Variants in THADA observed in about 807,000 individuals in gnomAD.
The protein encoded by THADA is THADA armadillo repeat containing.
In THADA, 213 loss-of-function variants were observed where a neutral mutation model predicts 219.8. The ratio of observed to expected loss-of-function variants is 0.97; its 90% CI spans 0.87 to 1.09. The LOEUF (loss-of-function observed/expected upper bound fraction) is 1.09. Ranked by LOEUF, THADA falls within the 50% of genes least tolerant of loss-of-function variation. THADA has a pLI of 0.00. For synonymous variants in THADA, 1,018 were observed against 828.9 expected, an observed-to-expected ratio of 1.23 and a Z score of -3.92; for missense variants, 2,956 against 2,311.3, an observed-to-expected ratio of 1.28 and a Z score of -5.72.
Position 43,435,420 on chromosome 2 carries a change from T to C in THADA, c.3837-5118A>G, listed in dbSNP as rs116362024. ...GTTGAAGTGAGCCAAGACTGCACCA[T>C]TGCATTCCAACCTGGGCAACAAGAG... On this transcript the variant is annotated intron_variant, in intron 26 of 37. Transcript: ENST00000405975. 7.5e-3 allele frequency among the ~76,000 whole-genome samples: 1,124 copies of C among 150,082 alleles called. 11 individuals are homozygous for C. Among genetic ancestry groups the C allele is most frequent in the African/African-American group, 0.025 (1,018 of 40,694 alleles).
chr2:43,410,647 G>C (rs1189273538), intron 28 of THADA, among the ~76,000 whole-genome samples: 1 of 151,550 alleles, frequency 6.6e-6, no homozygotes, highest in Non-Finnish European at 1.5e-5. Context: ...AATGCATCCT[G>C]TATGAGTCCG....
At chr2:43,364,410 A>C (rs2104599303) in intron 29 of THADA, among the ~76,000 whole-genome samples, 1 of 152,200 alleles carries the variant, frequency 6.6e-6, no homozygotes, top group Non-Finnish European at 1.5e-5. Context: ...TTGTCAGGTA[A>C]TTCTTTGCTG....
At chr2:43,248,204 G>C (rs1358312061) in intron 36 of THADA, among the ~76,000 whole-genome samples, 41 of 133,656 alleles carry the variant, frequency 3.1e-4, no homozygotes, top group Non-Finnish European at 4.2e-4. Flanking sequence ...GAGAGAGAGA[G>C]AGAGAGAGAG....
intron 35 of THADA, among the ~76,000 whole-genome samples, chr2:43,282,008 G>A (rs935363048): frequency 6.6e-6 from 1 of 152,110 alleles, no homozygotes; most frequent in African/African-American, 2.4e-5. Context: ...GGGGTCAAGT[G>A]ATCTTCCTGC....
At chr2:43,361,651 G>A (rs1287268829) in intron 29 of THADA, among the ~76,000 whole-genome samples, 1 of 152,168 alleles carries the variant, frequency 6.6e-6, no homozygotes, top group East Asian at 1.9e-4. Flanking sequence ...ATTTTTCTTA[G>A]TGGTCTGTGG....
intron 22 of THADA, among the ~76,000 whole-genome samples, chr2:43,514,366 G>C (rs571581000): frequency 1.3e-5 from 2 of 149,524 alleles, no homozygotes; most frequent in Non-Finnish European, 3.0e-5. Context: ...TGGGAGGATC[G>C]CTTGAGCCCA....
At chr2:43,375,462 G>A (rs930014818) in intron 29 of THADA, among the ~76,000 whole-genome samples, 8 of 152,156 alleles carry the variant, frequency 5.3e-5, no homozygotes, top group African/African-American at 1.9e-4. Context: ...ATTTTAAAAT[G>A]ATAAGTATAC....
chr2:43,381,388 C>T lies in THADA; in HGVS notation c.4227+16583G>A, dbSNP rs533394416. Among the ~76,000 whole-genome samples the T allele has an allele frequency of 4.6e-5, 7 of 152,074 alleles. No homozygotes were observed. In the South Asian group the frequency reaches 1.2e-3, roughly 27 times the overall value. ...TTCAAAATAAGTAATGTCAATACTC[C>T]CCCCACCCAGCCTCAGGAGGTGAAG... On this transcript the variant is annotated intron_variant, in intron 29 of 37. Transcript: ENST00000405975.
At chr2:43,259,606 G>C (rs1670711696) in intron 36 of THADA, among the ~76,000 whole-genome samples, 1 of 152,180 alleles carries the variant, frequency 6.6e-6, no homozygotes, top group African/African-American at 2.4e-5. Flanking sequence ...CAGATGTTCT[G>C]TTCTGACTTG....
intron 26 of THADA, among the ~76,000 whole-genome samples, chr2:43,476,878 G>A (rs1199527687): frequency 6.6e-6 from 1 of 152,152 alleles, no homozygotes; most frequent in East Asian, 1.9e-4. Context: ...AATGTTAGAA[G>A]ATTCTAACCT....
At chr2:43,516,190 G>A (rs1311674460) in intron 22 of THADA, among the ~76,000 whole-genome samples, 1 of 152,050 alleles carries the variant, frequency 6.6e-6, no homozygotes, top group African/African-American at 2.4e-5. Context: ...CGGTCTTTCT[G>A]TTTTCACTAT....
At position 43,270,170 on chromosome 2, in the gene THADA, G is replaced by A. The variant is rs191918449; in HGVS notation, c.5296+9595C>T. 4.4e-3 allele frequency among the ~76,000 whole-genome samples: 675 copies of A among 152,268 alleles called. 2 individuals carry two copies. Among genetic ancestry groups the A allele is most frequent in the African/African-American group, 0.015 (625 of 41,554 alleles). ...AGAGAGGTACTGTCCTGGGCCTCAG[G>A]AGTGGGTGTTGTAGACCTCGTTTTT... On this transcript the variant is annotated intron_variant, in intron 36 of 37. Transcript: ENST00000405975.
chr2:43,484,309 G>A (rs1156657055), intron 26 of THADA: 1 of 168,224 alleles, frequency 5.9e-6, no homozygotes, highest in African/African-American at 2.4e-5. Context: ...CTAAGATTTA[G>A]TTCCATCACA....
chr2:43,592,780 T>C (rs1352525687), intron 1 of THADA: 1 of 158,480 alleles, frequency 6.3e-6, no homozygotes, highest in African/African-American at 2.4e-5. Flanking sequence ...AACTTTCCTT[T>C]TAGTGAACAT....
chr2:43,239,328 T>G (rs1016674803), intron 36 of THADA, among the ~76,000 whole-genome samples: 3 of 152,180 alleles, frequency 2.0e-5, no homozygotes, highest in Non-Finnish European at 2.9e-5. Flanking sequence ...CCCTGGTGCT[T>G]CTTCTCTGCC....
At chr2:43,349,374 T>A (rs1558621554) in intron 29 of THADA, among the ~76,000 whole-genome samples, 1 of 152,206 alleles carries the variant, frequency 6.6e-6, no homozygotes, top group Non-Finnish European at 1.5e-5. Context: ...GGGGTCCATT[T>A]TGGCAGCTTT....
intron 35 of THADA, among the ~76,000 whole-genome samples, chr2:43,281,776 T>C (rs1673393470): frequency 6.6e-6 from 1 of 151,726 alleles, no homozygotes; most frequent in Admixed American, 6.6e-5. Flanking sequence ...ACCTATTCAG[T>C]ACCTTTTTCA....
intron 26 of THADA, among the ~76,000 whole-genome samples, chr2:43,438,552 G>T (rs1375264415): frequency 6.6e-6 from 1 of 152,162 alleles, no homozygotes; most frequent in Non-Finnish European, 1.5e-5. Context: ...GCATCAGAAG[G>T]CTTGTACAAG....
At chr2:43,470,424 T>C (rs557259725) in intron 26 of THADA, among the ~76,000 whole-genome samples, 2 of 152,194 alleles carry the variant, frequency 1.3e-5, no homozygotes, top group South Asian at 2.1e-4. Flanking sequence ...AAATGTTTAA[T>C]AGTAGTAGAA....
Sources: allele counts gnomAD v4.1 joint callset (sites outside exome capture counted in the v4.1 genomes callset), GRCh38; gene constraint gnomAD v4.1.1; transcripts MANE v1.5; gene names NCBI Gene and HGNC (gene_info 2026-07-23, HGNC 2026-07-21).